Variants in DSCAM observed in about 807,000 individuals in gnomAD.
DSCAM encodes cell adhesion molecule DSCAM.
Under a neutral mutation model 217.7 loss-of-function variants are expected in DSCAM, and 47 were observed. That is an observed-to-expected ratio of 0.22 (90% CI 0.17 to 0.28). The LOEUF is 0.28. Among genes scored for constraint, DSCAM ranks in the 10% least tolerant of loss-of-function variants. DSCAM has a pLI of 1.00. For missense variants in DSCAM, 2,080 were observed against 2,618.3 expected (o/e 0.79, Z 4.49); for synonymous variants, 1,056 against 1,015.3 (o/e 1.04, Z -0.76).
At chr21:40,204,206 C>T (rs1459663291) in intron 11 of DSCAM, among the ~76,000 whole-genome samples, 1 of 152,172 alleles carries the variant, frequency 6.6e-6, no homozygotes, top group Non-Finnish European at 1.5e-5. Flanking sequence ...TGCGTGTGTG[C>T]ACACACATGT....
intron 27 of DSCAM, among the ~76,000 whole-genome samples, chr21:40,071,889 T>C (rs528530420): frequency 5.9e-5 from 9 of 152,334 alleles, no homozygotes; most frequent in South Asian, 2.1e-4. Context: ...CATGAGTGAG[T>C]TGAAAATACT....
chr21:40,575,558 T>C (rs2076843390), intron 3 of DSCAM, among the ~76,000 whole-genome samples: 1 of 152,146 alleles, frequency 6.6e-6, no homozygotes, highest in African/African-American at 2.4e-5. Context: ...GTTTCATAAA[T>C]AATATTGTAA....
intron 1 of DSCAM, among the ~76,000 whole-genome samples, chr21:40,745,668 A>T (rs191184999): frequency 6.6e-6 from 1 of 152,206 alleles, no homozygotes; most frequent in Non-Finnish European, 1.5e-5. Flanking sequence ...AGAGTTCTTC[A>T]TCTGAAAGAA....
chr21:40,650,197 C>A (rs1441544873), intron 3 of DSCAM, among the ~76,000 whole-genome samples: 1 of 152,160 alleles, frequency 6.6e-6, no homozygotes, highest in Non-Finnish European at 1.5e-5. Context: ...CTGGACAAGG[C>A]TTTATTTCAT....
intron 3 of DSCAM, among the ~76,000 whole-genome samples, chr21:40,659,665 G>A (rs61234695): frequency 0.025 from 3,338 of 131,332 alleles, 119 homozygotes; most frequent in African/African-American, 0.078. Flanking sequence ...CCTATCTATC[G>A]TCTATCTGCC....
intron 27 of DSCAM, among the ~76,000 whole-genome samples, chr21:40,070,897 A>C (rs1267924675): frequency 6.6e-6 from 1 of 152,216 alleles, no homozygotes; most frequent in African/African-American, 2.4e-5. Flanking sequence ...ATCCATTTCA[A>C]AGCATGTTTA....
chr21:40,453,787 T>C (rs78209454), intron 3 of DSCAM, among the ~76,000 whole-genome samples: 1,600 of 152,336 alleles, frequency 0.011, 16 homozygotes, highest in Middle Eastern at 0.031. Flanking sequence ...CCTGCCCTCC[T>C]GTAAAAGTAT....
intron 20 of DSCAM, among the ~76,000 whole-genome samples, chr21:40,096,544 A>G (rs1386757105): frequency 6.6e-6 from 1 of 152,206 alleles, no homozygotes; most frequent in Non-Finnish European, 1.5e-5. Context: ...ATGGAAAAAT[A>G]TCAGGCTGCC....
chr21:40,791,385 T>G (rs1309413330), intron 1 of DSCAM, among the ~76,000 whole-genome samples: 2 of 152,202 alleles, frequency 1.3e-5, no homozygotes, highest in African/African-American at 2.4e-5. Flanking sequence ...CCAGGCGCAG[T>G]GGTTCACGCC....
intron 15 of DSCAM, among the ~76,000 whole-genome samples, chr21:40,177,909 G>A (rs2090750808): frequency 6.6e-6 from 1 of 152,182 alleles, no homozygotes; most frequent in South Asian, 2.1e-4. Flanking sequence ...ATCTGGGTGT[G>A]GCAATCACCT....
intron 6 of DSCAM, among the ~76,000 whole-genome samples, chr21:40,341,075 C>G (rs1417614723): frequency 6.6e-6 from 1 of 152,196 alleles, no homozygotes; most frequent in South Asian, 2.1e-4. Context: ...TTCCTCCAGG[C>G]TATGCTCATA....
chr21:40,476,643 T>C (rs1224848915), intron 3 of DSCAM, among the ~76,000 whole-genome samples: 1 of 152,192 alleles, frequency 6.6e-6, no homozygotes, highest in Non-Finnish European at 1.5e-5. Flanking sequence ...CAGAAGACTA[T>C]AACTGGGGAG....
At chr21:40,381,177 A>T (rs896543653) in intron 3 of DSCAM, among the ~76,000 whole-genome samples, 1 of 152,208 alleles carries the variant, frequency 6.6e-6, no homozygotes, top group Admixed American at 6.5e-5. Flanking sequence ...CTTGGTGAAG[A>T]GCCCTGAACA....
At chr21:40,403,838 G>A (rs574057908) in intron 3 of DSCAM, among the ~76,000 whole-genome samples, 90 of 152,234 alleles carry the variant, frequency 5.9e-4, no homozygotes, top group African/African-American at 4.6e-4. Flanking sequence ...CCTGTGACAA[G>A]CATACAGCAG....
At chr21:40,382,095 C>T (rs2123732107) in intron 3 of DSCAM, among the ~76,000 whole-genome samples, 1 of 152,356 alleles carries the variant, frequency 6.6e-6, no homozygotes, top group East Asian at 1.9e-4. Flanking sequence ...TCTGACTAGG[C>T]TTCCGTTTCA....
At chr21:40,113,939 C>G (rs1023817058) in intron 20 of DSCAM, among the ~76,000 whole-genome samples, 2 of 151,836 alleles carry the variant, frequency 1.3e-5, no homozygotes, top group African/African-American at 4.8e-5. Flanking sequence ...AAGAACATTC[C>G]ATGCTCATGG....
intron 32 of DSCAM, among the ~76,000 whole-genome samples, chr21:40,040,438 C>A (rs1330348557): frequency 6.6e-6 from 1 of 152,142 alleles, no homozygotes; most frequent in Admixed American, 6.6e-5. Context: ...AGTCTTTTAA[C>A]CTAGAAGCTC....
intron 20 of DSCAM, among the ~76,000 whole-genome samples, chr21:40,117,948 T>TACAC (rs10534527): frequency 0.058 from 8,739 of 150,810 alleles, 315 homozygotes; most frequent in East Asian, 0.097. Flanking sequence ...CCAATACGTG[T>TACAC]ACACACACAC....
At chr21:40,030,780 T>C (rs183169087) in intron 32 of DSCAM, among the ~76,000 whole-genome samples, 1 of 152,122 alleles carries the variant, frequency 6.6e-6, no homozygotes, top group Non-Finnish European at 1.5e-5. Flanking sequence ...AGGGCTCTTA[T>C]AGAATTTCAG....
Sources: gnomAD v4.1 joint callset for allele counts (sites outside exome capture counted in the v4.1 genomes callset) on GRCh38, gnomAD v4.1.1 for gene constraint, MANE v1.5 for transcripts, NCBI Gene and HGNC (gene_info 2026-07-23, HGNC 2026-07-21) for gene names.